SCML4: variants seen among roughly 807,000 people sequenced by gnomAD.
The protein encoded by SCML4 is Scm polycomb group protein like 4.
SCML4 carries 34 observed loss-of-function variants against 41.1 expected under a neutral mutation model. The ratio of observed to expected loss-of-function variants is 0.83; its 90% CI spans 0.63 to 1.10. SCML4 has a LOEUF of 1.10. SCML4 is among the 50% of genes least tolerant of loss of function. The pLI, the probability that SCML4 is intolerant of heterozygous loss-of-function variation, is 0.00. For synonymous variants in SCML4, 214 were observed against 220.9 expected, an observed-to-expected ratio of 0.97 and a Z score of 0.28; for missense variants, 522 against 534.1, an observed-to-expected ratio of 0.98 and a Z score of 0.22.
chr6:107,831,558 G>A, the SCML4 span, among the ~76,000 whole-genome samples: 3 of 152,128 alleles, frequency 2.0e-5, no homozygotes, highest in African/African-American at 7.2e-5. Context: ...GACTGGGACT[G>A]GAGAATAGAG....
chr6:107,827,190 TAATA>T (rs1785290544), upstream of SCML4, among the ~76,000 whole-genome samples: 1 of 147,648 alleles, frequency 6.8e-6, no homozygotes, highest in African/African-American at 2.4e-5. Flanking sequence ...TTAATAAATT[TAATA>T]AATATGTAAA....
rs1781183202 is a variant in SCML4 at position 107,778,225 on chromosome 6, ATATATATATATATATAT to A, written c.-59-5856_-59-5840del. Among the ~76,000 whole-genome samples the A allele has an allele frequency of 1.9e-3, 12 of 6,336 alleles. No individual in the cohort carries two copies. In the South Asian group the frequency reaches 0.036, roughly 19 times the overall value. 4.2% of individuals were successfully genotyped at this position (6,336 alleles called of 152,430 possible). ...AAAAAAAAAAAAAAAAAAAAAAAAT[ATATATATATATATATAT>A]ATATATATATATATATATATATAAC... On this transcript the variant is annotated intron_variant, in intron 1 of 7. Transcript: ENST00000369020.
At chr6:107,733,313 T>C (rs369584042) in intron 5 of SCML4, among the ~76,000 whole-genome samples, 13 of 152,300 alleles carry the variant, frequency 8.5e-5, no homozygotes, top group East Asian at 5.8e-4. Flanking sequence ...AGATTGGAAG[T>C]TGTCATTATT....
chr6:107,835,467 C>A, the SCML4 span, among the ~76,000 whole-genome samples: 2 of 151,950 alleles, frequency 1.3e-5, no homozygotes, highest in Admixed American at 6.5e-5. Context: ...AAGCTGGGTA[C>A]AGTGACTCAC....
At chr6:107,790,084 A>G (rs1429780755) in intron 1 of SCML4, among the ~76,000 whole-genome samples, 3 of 152,166 alleles carry the variant, frequency 2.0e-5, no homozygotes, top group Non-Finnish European at 4.4e-5. Context: ...GCACCTGGTC[A>G]ACGAGAGGTT....
chr6:107,729,419 A>C (rs1488413340), intron 5 of SCML4, among the ~76,000 whole-genome samples: 1 of 152,194 alleles, frequency 6.6e-6, no homozygotes, highest in Non-Finnish European at 1.5e-5. Context: ...TCTTCTTCTA[A>C]GGACACCAGT....
chr6:107,720,247 G>T, intron 6 of SCML4: 3 of 647,744 alleles, frequency 4.6e-6, no homozygotes, highest in Non-Finnish European at 5.7e-6. Context: ...GAAGTGATGA[G>T]CATCACTTTC....
At chr6:107,839,702 T>C in the SCML4 span, among the ~76,000 whole-genome samples, 1 of 152,100 alleles carries the variant, frequency 6.6e-6, no homozygotes, top group Non-Finnish European at 1.5e-5. Context: ...GAGAAAACCA[T>C]TGGTTCTCTA....
upstream of SCML4, among the ~76,000 whole-genome samples, chr6:107,827,418 T>C (rs1785298301): frequency 6.6e-6 from 1 of 151,126 alleles, no homozygotes; most frequent in African/African-American, 2.4e-5. Flanking sequence ...TTAAACTTAC[T>C]GGGATTTCTT....
the SCML4 span, among the ~76,000 whole-genome samples, chr6:107,841,538 A>G: frequency 6.6e-6 from 1 of 152,206 alleles, no homozygotes; most frequent in Admixed American, 6.5e-5. Context: ...GCCTGGACTC[A>G]AATCCAGGCA....
intron 1 of SCML4, among the ~76,000 whole-genome samples, chr6:107,823,224 T>C (rs566863391): frequency 9.3e-4 from 142 of 152,282 alleles, no homozygotes; most frequent in African/African-American, 3.2e-3. Context: ...AGTACCGTCA[T>C]GGAATCTAGA....
chr6:107,821,290 TCTC>T (rs1784926680), intron 1 of SCML4, among the ~76,000 whole-genome samples: 1 of 152,128 alleles, frequency 6.6e-6, no homozygotes, highest in Admixed American at 6.6e-5. Flanking sequence ...CCCCCTCTTC[TCTC>T]CTCACCTGTC....
Position 107,704,829 on chromosome 6 carries a change from C to T in SCML4, c.*371G>A, listed in dbSNP as rs897702011. 13 of 305,926 alleles carry T rather than the reference C, an allele frequency of 4.2e-5. No homozygotes were observed. The highest frequency in any genetic ancestry group is 2.0e-4 in the African/African-American group (9 of 43,904). The allele number at this position is 305,926 out of a possible 1,614,324, so 19.0% of individuals were successfully genotyped here. A position where few individuals can be genotyped will look rare whatever the true frequency, so the allele number is the denominator to read the frequency against. ...CTGAGGGGGTTGTCCCTGCAGAGAC[C>T]GCAGGGACAAAGGTCCTTCTTTCAT... On this transcript the variant is annotated 3_prime_UTR_variant, in exon 8 of 8. Coordinates refer to ENST00000369020, the MANE Select transcript of SCML4 (RefSeq NM_198081.5).
At chr6:107,838,682 A>G in the SCML4 span, among the ~76,000 whole-genome samples, 112,744 of 152,054 alleles carry the variant, frequency 0.74, 42,905 homozygotes, top group East Asian at 0.93. Context: ...AATCAAACAA[A>G]GAGGTAAGGG....
intron 5 of SCML4, among the ~76,000 whole-genome samples, chr6:107,721,906 G>T (rs1775459577): frequency 6.6e-6 from 1 of 151,956 alleles, no homozygotes; most frequent in Non-Finnish European, 1.5e-5. Flanking sequence ...AAGCTAAAGT[G>T]CAGAGGGAGG....
In SCML4 at chr6:107,702,969, T is replaced by G. The variant is rs1454593740; in HGVS notation, c.*2231A>C. Reference sequence around the variant, plus strand: ...AACAGGTTGCAGTAAAGAAGTTGGCTAAAACCCACCAAAACCAAGATGGCA... The same window carrying G: ...AACAGGTTGCAGTAAAGAAGTTGGCGAAAACCCACCAAAACCAAGATGGCA... On this transcript the variant is annotated 3_prime_UTR_variant, in exon 8 of 8. Transcript: ENST00000369020. 3.1e-4 allele frequency among the ~76,000 whole-genome samples: 47 copies of G among 152,152 alleles called. No homozygotes were observed. Among genetic ancestry groups the G allele is most frequent in the Admixed American group, 3.0e-3 (46 of 15,282 alleles).
chr6:107,729,345 G>A (rs1000617508), intron 5 of SCML4, among the ~76,000 whole-genome samples: 12 of 152,238 alleles, frequency 7.9e-5, no homozygotes, highest in East Asian at 3.9e-4. Flanking sequence ...TGGAGACAGC[G>A]CTCCAATCTC....
At chr6:107,737,047 C>A (rs1777143226) in intron 5 of SCML4, among the ~76,000 whole-genome samples, 1 of 152,186 alleles carries the variant, frequency 6.6e-6, no homozygotes, top group Non-Finnish European at 1.5e-5. Flanking sequence ...CAAAGATCTC[C>A]TACTCTTGGT....
intron 3 of SCML4, among the ~76,000 whole-genome samples, chr6:107,747,412 A>AC (rs1562213397): frequency 6.6e-6 from 1 of 152,014 alleles, no homozygotes; most frequent in African/African-American, 2.4e-5. Context: ...ATATTCAACA[A>AC]CCCGCTTAGG....
Sources: allele counts gnomAD v4.1 joint callset (sites outside exome capture counted in the v4.1 genomes callset), GRCh38; gene constraint gnomAD v4.1.1; transcripts MANE v1.5; gene names NCBI Gene and HGNC (gene_info 2026-07-23, HGNC 2026-07-21).